The following RAB27B variants were observed in gnomAD, a reference collection of about 807,000 sequenced individuals.
RAB27B encodes the protein ras-related protein Rab-27B.
In RAB27B, 15 loss-of-function variants were observed where a neutral mutation model predicts 24.6. The observed-to-expected ratio is 0.61, with a 90% CI of 0.41 to 0.94. RAB27B has a LOEUF of 0.94. RAB27B is among the 40% of genes least tolerant of loss of function. RAB27B has a pLI of 0.00. For synonymous variants in RAB27B, 105 were observed against 92.5 expected, an observed-to-expected ratio of 1.14 and a Z score of -0.78; for missense variants, 261 against 266.8, an observed-to-expected ratio of 0.98 and a Z score of 0.15.
rs75738271 is a variant in RAB27B at position 54,735,908 on chromosome 18, G to A, written c.-20+17767G>A. 1.7e-3 allele frequency among the ~76,000 whole-genome samples: 266 copies of A among 152,172 alleles called. 1 individual carries two copies. Among genetic ancestry groups the A allele is most frequent in the East Asian group, 0.015 (78 of 5,178 alleles). ...GCATGAAAGGACTTTTCATATATCA[G>A]GACCATGCCAAACTGGATAATTTTA... On this transcript the variant is annotated intron_variant, in intron 2 of 4. Transcript: ENST00000586570.
chr18:54,891,975 A>G lies in RAB27B; in HGVS notation c.*2562A>G, dbSNP rs1170363157. 1 of 152,122 alleles carries G rather than the reference A, an allele frequency of 6.6e-6. No individual in the cohort carries two copies. The highest frequency in any genetic ancestry group is 2.1e-4 in the South Asian group (1 of 4,832). 9.4% of individuals were successfully genotyped at this position (152,122 alleles called of 1,614,324 possible). A position where few individuals can be genotyped will look rare whatever the true frequency, so the allele number is the denominator to read the frequency against. On this transcript the variant is annotated 3_prime_UTR_variant, in exon 6 of 6. Transcript: ENST00000262094. ...ATCTGACCCCAGATTCTATGTAATC[A>G]TTATTAGAAATTCCTTCTCTCATTA...
At chr18:54,718,072 C>T (rs1048493341) in exon 2 of RAB27B, 3 of 152,056 alleles carry the variant, frequency 2.0e-5, no homozygotes, top group African/African-American at 7.2e-5. Context: ...CACAGCTGAT[C>T]GAAGCAACAG....
chr18:54,796,867 A>G (rs1909438332), intron 2 of RAB27B, among the ~76,000 whole-genome samples: 1 of 152,160 alleles, frequency 6.6e-6, no homozygotes, highest in South Asian at 2.1e-4. Context: ...TTCCCTGAAA[A>G]TAAGACAAAA....
chr18:54,873,723 G>A (rs1047325339), intron 1 of RAB27B, among the ~76,000 whole-genome samples: 4 of 150,338 alleles, frequency 2.7e-5, no homozygotes, highest in Admixed American at 6.6e-5. Context: ...GTGTGTGTGT[G>A]TGTGTGAGTG....
chr18:54,841,746 G>C (rs1001964299), intron 1 of RAB27B, among the ~76,000 whole-genome samples: 2 of 152,184 alleles, frequency 1.3e-5, no homozygotes, highest in African/African-American at 4.8e-5. Flanking sequence ...AAAGATATAT[G>C]ATAGCAAAAG....
chr18:54,793,936 C>T (rs1012289289), intron 2 of RAB27B, among the ~76,000 whole-genome samples: 2 of 152,152 alleles, frequency 1.3e-5, no homozygotes, highest in African/African-American at 4.8e-5. Context: ...ATGCATATGG[C>T]ATGAAATTCT....
intron 2 of RAB27B, among the ~76,000 whole-genome samples, chr18:54,778,553 C>T (rs1289872179): frequency 1.3e-5 from 2 of 152,170 alleles, no homozygotes; most frequent in South Asian, 4.1e-4. Flanking sequence ...TGCTTTGTGC[C>T]AGACAATTTG....
chr18:54,804,247 A>G lies in RAB27B; in HGVS notation c.-19-73320A>G, dbSNP rs555965412. On this transcript the variant is annotated intron_variant, in intron 2 of 4. Transcript: ENST00000586570. ...GACATTCAACCAAATAACTGGTGGT[A>G]TGGTTTGACTGTGTCCTCACCAAAT... is the stretch of plus-strand genomic sequence containing the variant. 3.3e-5 allele frequency among the ~76,000 whole-genome samples: 5 copies of G among 152,318 alleles called. No homozygotes were observed. The East Asian group carries it at 7.7e-4, about 24-fold the overall frequency.
chr18:54,868,025 G>A (rs1484545093), intron 1 of RAB27B, among the ~76,000 whole-genome samples: 5 of 152,204 alleles, frequency 3.3e-5, no homozygotes, highest in Non-Finnish European at 7.4e-5. Context: ...TGGAGGTGAG[G>A]TCTGGTGGGA....
intron 1 of RAB27B, among the ~76,000 whole-genome samples, chr18:54,832,848 G>A (rs1910739120): frequency 6.6e-6 from 1 of 152,134 alleles, no homozygotes; most frequent in Non-Finnish European, 1.5e-5. Context: ...ATCATTGGCA[G>A]CTCGGGAAAG....
At chr18:54,841,154 C>CGGGT (rs1265299623) in intron 1 of RAB27B, among the ~76,000 whole-genome samples, 6 of 8,648 alleles carry the variant, frequency 6.9e-4, no homozygotes, top group African/African-American at 1.2e-3. Flanking sequence ...CTTTGGGTGG[C>CGGGT]GGGGCGGTGG....
At chr18:54,859,777 G>C (rs1911939937) in intron 1 of RAB27B, among the ~76,000 whole-genome samples, 1 of 152,170 alleles carries the variant, frequency 6.6e-6, no homozygotes, top group African/African-American at 2.4e-5. Flanking sequence ...AGTTTGAAAC[G>C]TGGTCAATCG....
chr18:54,858,594 G>A (rs1269036350), intron 1 of RAB27B, among the ~76,000 whole-genome samples: 1 of 151,878 alleles, frequency 6.6e-6, no homozygotes, highest in Non-Finnish European at 1.5e-5. Context: ...GGGTTTCACC[G>A]TGTTAGCCAG....
chr18:54,799,614 ATTTTTTTTTTTTTT>A (rs869256244), intron 2 of RAB27B, among the ~76,000 whole-genome samples: 1 of 67,526 alleles, frequency 1.5e-5, no homozygotes, highest in Non-Finnish European at 2.6e-5. Flanking sequence ...TAATAAAATG[ATTTTTTTTTTTTTT>A]TTTTTTTTTT....
intron 2 of RAB27B, among the ~76,000 whole-genome samples, chr18:54,768,965 T>A (rs1001184673): frequency 6.6e-6 from 1 of 152,088 alleles, no homozygotes; most frequent in East Asian, 1.9e-4. Context: ...AGCCAAACCA[T>A]ATCATTCCAC....
chr18:54,886,779 T>C (rs1250340454), intron 4 of RAB27B, among the ~76,000 whole-genome samples: 1 of 152,120 alleles, frequency 6.6e-6, no homozygotes, highest in Non-Finnish European at 1.5e-5. Context: ...TAATTAATTG[T>C]CATGCCTAAT....
At chr18:54,724,158 G>A (rs1909454172) in intron 2 of RAB27B, among the ~76,000 whole-genome samples, 1 of 151,542 alleles carries the variant, frequency 6.6e-6, no homozygotes, top group Admixed American at 6.6e-5. Flanking sequence ...AAAACTGGCT[G>A]AGTCTCACAA....
At chr18:54,825,775 T>A (rs1356084994), upstream of RAB27B, among the ~76,000 whole-genome samples, 1 of 152,164 alleles carries the variant, frequency 6.6e-6, no homozygotes, top group Non-Finnish European at 1.5e-5. Context: ...TGGTTGATTG[T>A]GTGACAGTGG....
chr18:54,856,405 G>A (rs1911788115), intron 1 of RAB27B, among the ~76,000 whole-genome samples: 1 of 152,206 alleles, frequency 6.6e-6, no homozygotes, highest in Non-Finnish European at 1.5e-5. Context: ...CAGACAAGTG[G>A]CTTTAGGTTC....
Sources: allele counts gnomAD v4.1 joint callset (sites outside exome capture counted in the v4.1 genomes callset), GRCh38; gene constraint gnomAD v4.1.1; transcripts MANE v1.5; gene names NCBI Gene and HGNC (gene_info 2026-07-23, HGNC 2026-07-21).